Variants in FBXO11 observed in about 807,000 individuals in gnomAD.
FBXO11 encodes the protein F-box only protein 11.
A neutral mutation model predicts 117.0 loss-of-function variants in FBXO11; 13 were observed. The observed-to-expected ratio is 0.11, with a 90% CI of 0.07 to 0.18. The LOEUF is 0.18. Among genes scored for constraint, FBXO11 ranks in the 10% least tolerant of loss-of-function variants. The probability of loss-of-function intolerance (pLI) is 1.00; values close to 1 mark genes in which losing one functional copy is unlikely to be tolerated. For synonymous variants in FBXO11, 490 were observed against 380.5 expected, an observed-to-expected ratio of 1.29 and a Z score of -3.35; for missense variants, 767 against 1,164.4, an observed-to-expected ratio of 0.66 and a Z score of 4.97.
chr2:47,841,160 T>C (rs1672983156), intron 1 of FBXO11, among the ~76,000 whole-genome samples: 1 of 152,012 alleles, frequency 6.6e-6, no homozygotes, highest in African/African-American at 2.4e-5. Flanking sequence ...ATCATGCCAC[T>C]GCACTCCAGC....
At chr2:47,885,398 G>C (rs1362949504) in intron 1 of FBXO11, among the ~76,000 whole-genome samples, 1 of 152,114 alleles carries the variant, frequency 6.6e-6, no homozygotes, top group Non-Finnish European at 1.5e-5. Flanking sequence ...TTCGAGACCA[G>C]TCTGGCCAAC....
At chr2:47,817,227 T>C (rs1671069010) in intron 16 of FBXO11, among the ~76,000 whole-genome samples, 1 of 152,222 alleles carries the variant, frequency 6.6e-6, no homozygotes, top group Non-Finnish European at 1.5e-5. Flanking sequence ...GCTTCAAACT[T>C]TTCTTCTGCA....
At chr2:47,885,860 C>T (rs998780622) in intron 1 of FBXO11, among the ~76,000 whole-genome samples, 3 of 152,218 alleles carry the variant, frequency 2.0e-5, no homozygotes, top group African/African-American at 7.2e-5. Context: ...TTTTCCCCCT[C>T]CTTTCCTCTA....
intron 11 of FBXO11, among the ~76,000 whole-genome samples, chr2:47,827,018 C>A (rs1011974844): frequency 8.5e-5 from 13 of 152,210 alleles, no homozygotes; most frequent in African/African-American, 3.1e-4. Context: ...CAGTCATTTA[C>A]CACATTGTAT....
intron 4 of FBXO11, chr2:47,836,910 T>TA (rs1299722735): frequency 2.9e-6 from 1 of 340,296 alleles, no homozygotes; most frequent in Non-Finnish European, 5.7e-6. Context: ...TATTTTTTGA[T>TA]TTTTTTTTGT....
intron 1 of FBXO11, among the ~76,000 whole-genome samples, chr2:47,885,658 A>G (rs562896520): frequency 6.6e-6 from 1 of 152,354 alleles, no homozygotes; most frequent in South Asian, 2.1e-4. Flanking sequence ...AAAGCATACA[A>G]GACTTGGAAA....
At chr2:47,819,135 G>T in intron 14 of FBXO11, 57 bp from the exon 15 acceptor site, 1 of 1,562,186 alleles carries the variant, frequency 6.4e-7, no homozygotes, top group Non-Finnish European at 8.7e-7. Context: ...GGCGTTTATA[G>T]TCTGTTACCC....
At chr2:47,888,710 T>C (rs1055375921) in intron 1 of FBXO11, 16 of 972,572 alleles carry the variant, frequency 1.6e-5, no homozygotes, top group African/African-American at 1.2e-4. Flanking sequence ...ACAAATCTTA[T>C]TGCTATGATA....
Position 47,857,043 on chromosome 2 carries a change from T to C in FBXO11, c.233-17274A>G, listed in dbSNP as rs529851631. ...TGGGATAAACTCTGAGCAGCCAATA[T>C]AGACATTACACTATTTATGCACAGA... On this transcript the variant is annotated intron_variant, in intron 1 of 22. Coordinates refer to ENST00000403359, the MANE Select transcript of FBXO11 (RefSeq NM_001190274.2). Among the ~76,000 whole-genome samples the C allele has an allele frequency of 9.2e-5, 14 of 152,306 alleles. No homozygotes were observed. In the South Asian group the frequency reaches 1.5e-3, roughly 16 times the overall value.
intron 12 of FBXO11, 67 bp downstream of exon 12, chr2:47,823,076 A>AT: frequency 1.7e-6 from 2 of 1,152,574 alleles, no homozygotes; most frequent in Non-Finnish European, 2.5e-6. Context: ...TTAAAGCTCA[A>AT]TATCTTGACT....
chr2:47,836,043 C>T (rs749351709), intron 4 of FBXO11, 42 bp from the exon 5 acceptor site: 7 of 1,452,160 alleles, frequency 4.8e-6, no homozygotes, highest in Non-Finnish European at 6.6e-6. Context: ...ATAAAATGTC[C>T]TTTAGATTAA....
At position 47,835,926 on chromosome 2, in the gene FBXO11, A is replaced by T. The variant is rs780970309; in HGVS notation, c.663T>A (p.Ile221=). 1 of 1,611,522 alleles carries T rather than the reference A, an allele frequency of 6.2e-7. No homozygotes were observed. Among genetic ancestry groups the T allele is most frequent in the African/African-American group, 1.3e-5 (1 of 74,882 alleles). ...TTGGATGTTCATACTCTTCTGGATT[A>T]ATCTGGTAGAATTTTCCAGGTTCAG... ...MHPEPGKFYQ[I]NPEEYEHPNP... Residue 221 remains isoleucine (I), a synonymous_variant, in exon 5 of 23, where the codon ATT becomes ATA. Coordinates refer to ENST00000403359, the MANE Select transcript of FBXO11 (RefSeq NM_001190274.2).
intron 20 of FBXO11, 70 bp downstream of exon 20, chr2:47,809,530 A>T (rs1217223735): frequency 8.7e-7 from 1 of 1,145,322 alleles, no homozygotes; most frequent in Non-Finnish European, 1.3e-6. Context: ...GAATCAAGTT[A>T]TAAAACGGCT....
At position 47,808,431 on chromosome 2, in the gene FBXO11, A is replaced by G; in HGVS notation, c.2556-4T>C. The G allele has an allele frequency of 6.3e-7, 1 of 1,577,172 alleles. No individual in the cohort carries two copies. The highest frequency in any genetic ancestry group is 8.6e-7 in the Non-Finnish European group (1 of 1,166,504). The stretch of plus-strand genomic sequence containing the variant: ...TGTGGTGTTACAAGTATGACATCTA[A>G]AAAGCAAAAGCTTAAATTACTTTTC... On this transcript the variant is annotated splice_region_variant and splice_polypyrimidine_tract_variant and intron_variant, in intron 21 of 22. Transcript: ENST00000403359.
intron 1 of FBXO11, among the ~76,000 whole-genome samples, chr2:47,884,636 CAG>C (rs1206665564): frequency 7.2e-5 from 11 of 152,186 alleles, no homozygotes; most frequent in African/African-American, 2.7e-4. Context: ...TTTGAAGAGA[CAG>C]AGAATCTCAA....
intron 3 of FBXO11, 38 bp downstream of exon 3, chr2:47,839,381 T>C (rs752771329): frequency 1.3e-6 from 2 of 1,559,020 alleles, no homozygotes; most frequent in African/African-American, 1.4e-5. Context: ...TTAAAAAAAA[T>C]TATTTTACCC....
At chr2:47,859,041 C>CAAAAAA in intron 1 of FBXO11, among the ~76,000 whole-genome samples, 1 of 103,176 alleles carries the variant, frequency 9.7e-6, no homozygotes, top group Non-Finnish European at 2.0e-5. Flanking sequence ...ACTCTGTCTC[C>CAAAAAA]AAAAAAAAAA....
At chr2:47,863,512 G>A (rs950664990) in intron 1 of FBXO11, among the ~76,000 whole-genome samples, 1 of 152,158 alleles carries the variant, frequency 6.6e-6, no homozygotes, top group African/African-American at 2.4e-5. Flanking sequence ...TCTACAGACA[G>A]CTCCTAATTT....
At chr2:47,899,366 T>C (rs1677925427) in intron 1 of FBXO11, among the ~76,000 whole-genome samples, 1 of 152,158 alleles carries the variant, frequency 6.6e-6, no homozygotes, top group African/African-American at 2.4e-5. Flanking sequence ...TTTTATCTCT[T>C]GGGTTTAATT....
Sources: gnomAD v4.1 joint callset for allele counts (sites outside exome capture counted in the v4.1 genomes callset) on GRCh38, gnomAD v4.1.1 for gene constraint, MANE v1.5 for transcripts, NCBI Gene and HGNC (gene_info 2026-07-23, HGNC 2026-07-21) for gene names.